The following MAGI2 variants were observed in gnomAD, a reference collection of about 807,000 sequenced individuals.
The protein encoded by MAGI2 is membrane associated guanylate kinase, WW and PDZ domain containing 2, also known as membrane-associated guanylate kinase, WW and PDZ domain-containing protein 2.
Under a neutral mutation model 133.3 loss-of-function variants are expected in MAGI2, and 35 were observed. That is an observed-to-expected ratio of 0.26 (90% CI 0.20 to 0.35). The LOEUF is 0.35. Ranked by LOEUF, MAGI2 falls within the 10% of genes least tolerant of loss-of-function variation. MAGI2 has a pLI of 1.00. For missense variants in MAGI2, 1,636 were observed against 1,863.4 expected, an observed-to-expected ratio of 0.88 and a Z score of 2.25; for synonymous variants, 729 against 710.6, an observed-to-expected ratio of 1.03 and a Z score of -0.41.
intron 1 of MAGI2, among the ~76,000 whole-genome samples, chr7:79,043,970 G>A (rs1811933806): frequency 6.6e-6 from 1 of 151,934 alleles, no homozygotes; most frequent in Admixed American, 6.6e-5. Context: ...TGGACTAGAT[G>A]GATTCACAGC....
chr7:78,403,131 C>A (rs1403955438), intron 6 of MAGI2, among the ~76,000 whole-genome samples: 4 of 152,158 alleles, frequency 2.6e-5, no homozygotes, highest in Admixed American at 1.3e-4. Context: ...GGTATATCTC[C>A]TAATGCTGTC....
chr7:78,312,864 C>T (rs1798829115), intron 9 of MAGI2, among the ~76,000 whole-genome samples: 1 of 151,276 alleles, frequency 6.6e-6, no homozygotes, highest in Non-Finnish European at 1.5e-5. Flanking sequence ...TACACATATA[C>T]AATCCCACTC....
chr7:78,373,740 TC>T (rs1554373893), intron 6 of MAGI2, among the ~76,000 whole-genome samples: 1 of 152,042 alleles, frequency 6.6e-6, no homozygotes, highest in Non-Finnish European at 1.5e-5. Flanking sequence ...TCAACTCTTT[TC>T]CCCCTCCTTC....
At chr7:78,324,033 G>T (rs1382414107) in intron 9 of MAGI2, among the ~76,000 whole-genome samples, 3 of 152,120 alleles carry the variant, frequency 2.0e-5, no homozygotes, top group South Asian at 2.1e-4. Flanking sequence ...ACAGACAAGG[G>T]TATATTAGTA....
chr7:78,868,771 T>TG (rs1794787410), intron 2 of MAGI2, among the ~76,000 whole-genome samples: 1 of 151,852 alleles, frequency 6.6e-6, no homozygotes, highest in Non-Finnish European at 1.5e-5. Flanking sequence ...ACTTTTTTTT[T>TG]GAGACAGAGT....
In MAGI2 at chr7:78,277,469, A is replaced by G. The variant is rs1404680731; in HGVS notation, c.1409-20888T>C. The stretch of plus-strand genomic sequence containing the variant: ...AGGCTTGCAAACATTTGCCAAATGC[A>G]AAAAATTAGTAACATTTCAAGAAGG... On this transcript the variant is annotated intron_variant, in intron 9 of 21. Transcript: ENST00000354212. Among the ~76,000 whole-genome samples, 4 of 152,228 alleles carry G rather than the reference A, an allele frequency of 2.6e-5. No homozygotes were observed. In the South Asian group the frequency reaches 8.3e-4, roughly 31 times the overall value.
chr7:78,925,410 C>A (rs1336980196), intron 2 of MAGI2, among the ~76,000 whole-genome samples: 1 of 152,006 alleles, frequency 6.6e-6, no homozygotes, highest in Non-Finnish European at 1.5e-5. Flanking sequence ...AATTTGTATG[C>A]CTCTCTATTA....
At chr7:78,341,378 T>C (rs1178234684) in intron 9 of MAGI2, among the ~76,000 whole-genome samples, 2 of 152,108 alleles carry the variant, frequency 1.3e-5, no homozygotes, top group Non-Finnish European at 1.5e-5. Flanking sequence ...AAAATGGCCA[T>C]ACTGCCCAAA....
chr7:78,426,471 G>A lies in MAGI2; in HGVS notation c.1046-57258C>T, dbSNP rs6970868. Among the ~76,000 whole-genome samples the A allele has an allele frequency of 6.6e-3, 1,004 of 152,152 alleles. 13 individuals are homozygous for A. Among genetic ancestry groups the A allele is most frequent in the African/African-American group, 0.022 (933 of 41,518 alleles). ...GGGACTGTTGTGGGGTGGGGGGAGC[G>A]CGGAGGGATAGCATTGGGAGATATA... is the stretch of plus-strand genomic sequence containing the variant. On this transcript the variant is annotated intron_variant, in intron 6 of 21. Coordinates refer to ENST00000354212, the MANE Select transcript of MAGI2 (RefSeq NM_012301.4).
At chr7:78,902,632 A>G (rs897664939) in intron 2 of MAGI2, 7 of 152,332 alleles carry the variant, frequency 4.6e-5, no homozygotes, top group South Asian at 4.1e-4. Flanking sequence ...AAATTAAGGC[A>G]AATTTCACAT....
intron 20 of MAGI2, among the ~76,000 whole-genome samples, chr7:78,095,269 C>T (rs2151228268): frequency 6.6e-6 from 1 of 152,190 alleles, no homozygotes; most frequent in African/African-American, 2.4e-5. Context: ...TTTGGAAGAC[C>T]TCTCCATATT....
At chr7:78,946,944 C>T (rs907121191) in intron 2 of MAGI2, 6 of 152,088 alleles carry the variant, frequency 3.9e-5, no homozygotes, top group African/African-American at 1.2e-4. Context: ...TCCTGGCCAT[C>T]ATATTCTAAG....
intron 1 of MAGI2, among the ~76,000 whole-genome samples, chr7:79,064,827 T>A (rs1814142770): frequency 6.6e-6 from 1 of 152,110 alleles, no homozygotes. Context: ...TAATTGGATA[T>A]GAACAGAAGT....
intron 1 of MAGI2, among the ~76,000 whole-genome samples, chr7:79,205,843 T>A (rs1340832560): frequency 6.6e-6 from 1 of 151,396 alleles, no homozygotes; most frequent in African/African-American, 2.4e-5. Context: ...TTTTGTAAGC[T>A]TCATAATAAC....
chr7:78,334,952 G>A (rs1254070196), intron 9 of MAGI2, among the ~76,000 whole-genome samples: 2 of 152,140 alleles, frequency 1.3e-5, no homozygotes, highest in East Asian at 3.9e-4. Context: ...AGCAGGAGCT[G>A]GCAAACTAAG....
chr7:78,788,224 TAA>T (rs886865917), intron 2 of MAGI2, among the ~76,000 whole-genome samples: 2 of 152,098 alleles, frequency 1.3e-5, no homozygotes, highest in African/African-American at 4.8e-5. Flanking sequence ...AAAATAGTAA[TAA>T]AAAAATGTAT....
intron 6 of MAGI2, among the ~76,000 whole-genome samples, chr7:78,375,590 A>C (rs555489941): frequency 1.3e-5 from 2 of 152,252 alleles, no homozygotes; most frequent in African/African-American, 4.8e-5. Flanking sequence ...TAAAAAAAAA[A>C]CAAAATTTGA....
At chr7:78,685,743 G>A (rs549493512) in intron 2 of MAGI2, among the ~76,000 whole-genome samples, 1 of 151,968 alleles carries the variant, frequency 6.6e-6, no homozygotes, top group East Asian at 1.9e-4. Context: ...ACTGATAGGT[G>A]ATAGGGAGAC....
chr7:78,114,451 C>G (rs997368820), intron 20 of MAGI2, among the ~76,000 whole-genome samples: 3 of 152,196 alleles, frequency 2.0e-5, no homozygotes, highest in African/African-American at 7.2e-5. Context: ...TTTCTCTGAA[C>G]TCAGGGGCAT....
Sources: gnomAD v4.1 joint callset for allele counts (sites outside exome capture counted in the v4.1 genomes callset) on GRCh38, gnomAD v4.1.1 for gene constraint, MANE v1.5 for transcripts, NCBI Gene and HGNC (gene_info 2026-07-23, HGNC 2026-07-21) for gene names.